The following DENND1A variants were observed in gnomAD, a reference collection of about 807,000 sequenced individuals.
DENND1A encodes the protein DENN domain containing 1A, also known as DENN domain-containing protein 1A.
Under a neutral mutation model 113.7 loss-of-function variants are expected in DENND1A, and 51 were observed. The observed-to-expected ratio is 0.45, with a 90% CI of 0.36 to 0.57. The LOEUF is 0.57. Among genes scored for constraint, DENND1A ranks in the 20% least tolerant of loss-of-function variants. The pLI is 0.00. For synonymous variants in DENND1A, 565 were observed against 570.8 expected (o/e 0.99, Z 0.14); for missense variants, 1,258 against 1,395.9 (o/e 0.90, Z 1.57).
At chr9:123,846,840 T>C (rs545568250) in intron 2 of DENND1A, among the ~76,000 whole-genome samples, 48 of 152,366 alleles carry the variant, frequency 3.2e-4, no homozygotes, top group African/African-American at 1.1e-3. Context: ...TAAAAATATT[T>C]AAAATGGCAA....
intron 2 of DENND1A, among the ~76,000 whole-genome samples, chr9:123,803,313 G>A (rs888322329): frequency 6.6e-6 from 1 of 152,192 alleles, no homozygotes; most frequent in African/African-American, 2.4e-5. Context: ...GTTAGTAACT[G>A]TAAGTGAGCT....
At chr9:123,514,491 C>T (rs887195900) in intron 13 of DENND1A, among the ~76,000 whole-genome samples, 2 of 151,778 alleles carry the variant, frequency 1.3e-5, no homozygotes, top group African/African-American at 2.4e-5. Context: ...GGCCTAACCT[C>T]GGATGTCAGA....
intron 21 of DENND1A, among the ~76,000 whole-genome samples, chr9:123,396,583 C>T (rs2043150893): frequency 6.6e-6 from 1 of 152,222 alleles, no homozygotes; most frequent in Non-Finnish European, 1.5e-5. Context: ...ACCTGGGCTT[C>T]GGGCGGGGTT....
At chr9:123,389,581 A>C (rs2042736369) in intron 21 of DENND1A, among the ~76,000 whole-genome samples, 1 of 152,266 alleles carries the variant, frequency 6.6e-6, no homozygotes, top group Non-Finnish European at 1.5e-5. Context: ...CCATACAGCC[A>C]CCAGAGTCTC....
At chr9:123,599,929 C>T (rs2059868492) in intron 11 of DENND1A, among the ~76,000 whole-genome samples, 2 of 152,160 alleles carry the variant, frequency 1.3e-5, no homozygotes, top group South Asian at 4.1e-4. Context: ...CAAACCCATA[C>T]CATGAGTCGG....
At chr9:123,828,247 T>C (rs1213277439) in intron 2 of DENND1A, among the ~76,000 whole-genome samples, 1 of 151,786 alleles carries the variant, frequency 6.6e-6, no homozygotes, top group Non-Finnish European at 1.5e-5. Context: ...AATTAGATTT[T>C]AGAACAAAAA....
At chr9:123,711,505 G>GTA (rs1168546766) in intron 5 of DENND1A, among the ~76,000 whole-genome samples, 875 of 62,278 alleles carry the variant, frequency 0.014, 4 homozygotes, top group African/African-American at 0.026. Flanking sequence ...ATATATATAT[G>GTA]TATATATGTA....
At chr9:123,647,530 T>A (rs548904236) in intron 9 of DENND1A, among the ~76,000 whole-genome samples, 1 of 152,382 alleles carries the variant, frequency 6.6e-6, no homozygotes, top group Non-Finnish European at 1.5e-5. Flanking sequence ...CAGTCTTTTC[T>A]CTCCCTGTGA....
At chr9:123,499,232 C>T (rs2052246001) in intron 13 of DENND1A, among the ~76,000 whole-genome samples, 1 of 152,098 alleles carries the variant, frequency 6.6e-6, no homozygotes, top group African/African-American at 2.4e-5. Flanking sequence ...GGGGGTTTCA[C>T]CACGTTGGCC....
At chr9:123,913,813 G>C (rs1342165344) in intron 1 of DENND1A, among the ~76,000 whole-genome samples, 1 of 151,232 alleles carries the variant, frequency 6.6e-6, no homozygotes, top group East Asian at 1.9e-4. Context: ...GCTGAGGCAG[G>C]AGAATCGCTT....
chr9:123,706,318 T>C (rs186131791), intron 5 of DENND1A, among the ~76,000 whole-genome samples: 1 of 151,388 alleles, frequency 6.6e-6, no homozygotes, highest in Non-Finnish European at 1.5e-5. Context: ...GCCCAGCTAA[T>C]TTTTTGTATT....
At chr9:123,730,867 G>T (rs1275153033) in intron 5 of DENND1A, among the ~76,000 whole-genome samples, 1 of 152,118 alleles carries the variant, frequency 6.6e-6, no homozygotes, top group Admixed American at 6.5e-5. Context: ...AAATGCCCAT[G>T]AATGATAGAC....
intron 13 of DENND1A, among the ~76,000 whole-genome samples, chr9:123,491,351 G>A (rs1212176548): frequency 6.6e-6 from 1 of 152,196 alleles, no homozygotes. Flanking sequence ...TGGCTGCCTA[G>A]CCAACAAACC....
intron 5 of DENND1A, among the ~76,000 whole-genome samples, chr9:123,727,772 G>A (rs560222263): frequency 2.0e-5 from 3 of 152,220 alleles, no homozygotes; most frequent in Non-Finnish European, 4.4e-5. Flanking sequence ...TGTAGGAACT[G>A]TATGCCAAAA....
At chr9:123,840,811 T>A (rs1841722249) in intron 2 of DENND1A, among the ~76,000 whole-genome samples, 2 of 152,244 alleles carry the variant, frequency 1.3e-5, no homozygotes, top group African/African-American at 4.8e-5. Flanking sequence ...ATAACCAGCA[T>A]GGAGTAAACA....
At chr9:123,785,806 A>G (rs1832066703) in intron 3 of DENND1A, among the ~76,000 whole-genome samples, 1 of 152,244 alleles carries the variant, frequency 6.6e-6, no homozygotes, top group Non-Finnish European at 1.5e-5. Flanking sequence ...CTGCAGATGA[A>G]AAAATTACAT....
intron 2 of DENND1A, among the ~76,000 whole-genome samples, chr9:123,840,625 A>G (rs2132951058): frequency 6.6e-6 from 1 of 152,314 alleles, no homozygotes; most frequent in East Asian, 1.9e-4. Flanking sequence ...TCTGTCCCCA[A>G]GGGCCTAGCA....
rs535963310 is a variant in DENND1A at position 123,838,755 on chromosome 9, T to C, written c.88+40196A>G. Among the ~76,000 whole-genome samples, 5 of 152,328 alleles carry C rather than the reference T, an allele frequency of 3.3e-5. 2 individuals carry two copies. In the South Asian group the frequency reaches 1.0e-3, roughly 32 times the overall value. The stretch of plus-strand genomic sequence containing the variant: ...GGCAAGTAGGATCCAATTATGGATT[T>C]AGACCCTCAGGAAGCCCTACCTAGG... On this transcript the variant is annotated intron_variant, in intron 2 of 23. Coordinates refer to ENST00000394215, the MANE Select transcript of DENND1A (RefSeq NM_001352964.2).
At chr9:123,715,327 G>A (rs781303943) in intron 5 of DENND1A, among the ~76,000 whole-genome samples, 4 of 152,142 alleles carry the variant, frequency 2.6e-5, no homozygotes, top group Non-Finnish European at 5.9e-5. Flanking sequence ...CCACTGGCAC[G>A]AGGTTCTAAA....
Sources: gnomAD v4.1 joint callset for allele counts (sites outside exome capture counted in the v4.1 genomes callset) on GRCh38, gnomAD v4.1.1 for gene constraint, MANE v1.5 for transcripts, NCBI Gene and HGNC (gene_info 2026-07-23, HGNC 2026-07-21) for gene names.